Variants in ATXN7L1 observed in about 807,000 individuals in gnomAD.
The protein encoded by ATXN7L1 is ataxin 7 like 1.
Under a neutral mutation model 70.8 loss-of-function variants are expected in ATXN7L1, and 15 were observed. The ratio of observed to expected loss-of-function variants is 0.21; its 90% CI spans 0.14 to 0.33. The LOEUF (loss-of-function observed/expected upper bound fraction) is 0.33. Among genes scored for constraint, ATXN7L1 ranks in the 10% least tolerant of loss-of-function variants. The probability of loss-of-function intolerance (pLI) is 1.00; values close to 1 mark genes in which losing one functional copy is unlikely to be tolerated. For synonymous variants in ATXN7L1, 440 were observed against 445.1 expected (o/e 0.99, Z 0.14); for missense variants, 975 against 1,097.1 (o/e 0.89, Z 1.57).
rs779946678 is a variant in ATXN7L1, at chr7:105,835,148, G to GTTTT, written c.250+40663_250+40664insAAAA. On this transcript the variant is annotated intron_variant, in intron 2 of 11. Coordinates refer to ENST00000419735, the MANE Select transcript of ATXN7L1 (RefSeq NM_020725.2). Reference sequence around the variant, plus strand: ...TTTTTTTAATAATTTATAAGTGTGTGGTTTTTTTTTTTTTTTTTTTTTTTG... The same window carrying GTTTT: ...TTTTTTTAATAATTTATAAGTGTGTGTTTTGTTTTTTTTTTTTTTTTTTTTTTTG... Among the ~76,000 whole-genome samples the GTTTT allele has an allele frequency of 5.5e-4, 47 of 85,040 alleles. 2 individuals are homozygous for GTTTT. The highest frequency in any genetic ancestry group is 4.2e-3 in the East Asian group (13 of 3,064). The allele number at this position is 85,040 out of a possible 152,430, so 55.8% of individuals were successfully genotyped here.
At chr7:105,802,595 G>C (rs1806988876) in intron 2 of ATXN7L1, among the ~76,000 whole-genome samples, 1 of 152,178 alleles carries the variant, frequency 6.6e-6, no homozygotes, top group South Asian at 2.1e-4. Context: ...CTATTTTTGT[G>C]CTTTTATTTA....
chr7:105,638,418 G>A lies in ATXN7L1; in HGVS notation c.1137C>T (p.Ser379=), dbSNP rs1017280061. ...AQDSLLGSSG[S]SGPEPKVASP... ...ATGCAACTTTTGGTTCTGGCCCAGA[G>A]CTCCCTGAAGACCCTAGCAGAGAAT... The change falls in exon 7 of 12, where the codon AGC becomes AGT. Residue 379 remains serine (S), a synonymous_variant. Coordinates refer to ENST00000419735, the MANE Select transcript of ATXN7L1 (RefSeq NM_020725.2). 3.9e-6 allele frequency: 6 copies of A among 1,552,166 alleles called. No homozygotes were observed. The highest frequency in any genetic ancestry group is 1.4e-5 in the African/African-American group (1 of 73,026).
intron 4 of ATXN7L1, among the ~76,000 whole-genome samples, chr7:105,647,986 C>A (rs1026238704): frequency 2.0e-5 from 3 of 152,166 alleles, no homozygotes; most frequent in Non-Finnish European, 2.9e-5. Context: ...TGGAGCCCAT[C>A]AGAAACAGGA....
chr7:105,740,786 A>ATTTTTTTTTTTTTTTTTTTTTT (rs1481143764), intron 3 of ATXN7L1, among the ~76,000 whole-genome samples: 2 of 40,706 alleles, frequency 4.9e-5, no homozygotes, highest in East Asian at 4.0e-3. Flanking sequence ...TTTTTTTTTA[A>ATTTTTTTTTTTTTTTTTTTTTT]TGGAGTCTCA....
At chr7:105,698,341 G>A (rs1232534774) in intron 3 of ATXN7L1, among the ~76,000 whole-genome samples, 1 of 152,046 alleles carries the variant, frequency 6.6e-6, no homozygotes, top group Admixed American at 6.6e-5. Flanking sequence ...CATCGATGGG[G>A]CTACATATGC....
At chr7:105,873,976 T>A (rs1818650097) in intron 2 of ATXN7L1, among the ~76,000 whole-genome samples, 1 of 151,740 alleles carries the variant, frequency 6.6e-6, no homozygotes, top group African/African-American at 2.4e-5. Context: ...AATACAAAAA[T>A]TAACTGGGTG....
chr7:105,644,699 G>A (rs991726703), intron 4 of ATXN7L1, among the ~76,000 whole-genome samples: 2 of 152,176 alleles, frequency 1.3e-5, no homozygotes, highest in African/African-American at 4.8e-5. Flanking sequence ...CTGCATTCCT[G>A]ATTTTTCCCA....
intron 3 of ATXN7L1, among the ~76,000 whole-genome samples, chr7:105,687,990 T>TAA (rs1427957118): frequency 1.3e-5 from 2 of 152,204 alleles, no homozygotes; most frequent in African/African-American, 4.8e-5. Flanking sequence ...GCTTTTTACT[T>TAA]AAAGAATTCC....
At chr7:105,824,974 T>C (rs913155093) in intron 2 of ATXN7L1, among the ~76,000 whole-genome samples, 5 of 151,454 alleles carry the variant, frequency 3.3e-5, no homozygotes, top group Non-Finnish European at 7.4e-5. Flanking sequence ...CATGGCATAT[T>C]ATTAAGTAAT....
At chr7:105,752,309 G>C (rs1339035701) in intron 3 of ATXN7L1, among the ~76,000 whole-genome samples, 6 of 152,234 alleles carry the variant, frequency 3.9e-5, no homozygotes, top group Non-Finnish European at 8.8e-5. Context: ...CAGAGAAGCT[G>C]AAGGAGGATC....
At position 105,788,662 on chromosome 7, in the gene ATXN7L1, G is replaced by T; in HGVS notation, c.297C>A (p.Leu99=). 6.2e-7 allele frequency: 1 copy of T among 1,613,992 alleles called. No individual in the cohort carries two copies. Among genetic ancestry groups the T allele is most frequent in the South Asian group, 1.1e-5 (1 of 91,074 alleles). Residue 99 remains leucine (L), a synonymous_variant, in exon 3 of 12, where the codon CTC becomes CTA. Coordinates refer to ENST00000419735, the MANE Select transcript of ATXN7L1 (RefSeq NM_020725.2). ...CCTGGTTACAGGCACTGCACACTAC[G>T]AGATAGAAGTCGTCATGTGCTGGGT... ...GHYPAHDDFY[L]VVCSACNQVV... is the part of the protein sequence containing the mutation.
intron 4 of ATXN7L1, 33 bp downstream of exon 4, chr7:105,665,033 A>C (rs1452878422): frequency 3.5e-5 from 53 of 1,518,442 alleles, no homozygotes; most frequent in Non-Finnish European, 4.4e-5. Flanking sequence ...CAGGGGGGAC[A>C]GACAGCAGCT....
intron 4 of ATXN7L1, among the ~76,000 whole-genome samples, chr7:105,644,753 G>C (rs1362085770): frequency 6.6e-6 from 1 of 152,174 alleles, no homozygotes; most frequent in Non-Finnish European, 1.5e-5. Context: ...AATTCTTCTA[G>C]GCTTATTCCT....
At chr7:105,672,715 C>A (rs1803958610) in intron 3 of ATXN7L1, among the ~76,000 whole-genome samples, 1 of 152,176 alleles carries the variant, frequency 6.6e-6, no homozygotes, top group South Asian at 2.1e-4. Flanking sequence ...TAGGAGGAAT[C>A]TGAAAGAGCC....
chr7:105,677,951 A>C (rs1804957036), intron 3 of ATXN7L1: 1 of 985,282 alleles, frequency 1.0e-6, no homozygotes, highest in Admixed American at 6.2e-5. Flanking sequence ...CTCACCCCAC[A>C]GACTGTCGTG....
chr7:105,672,731 G>C (rs751113135), intron 3 of ATXN7L1, among the ~76,000 whole-genome samples: 8 of 152,126 alleles, frequency 5.3e-5, no homozygotes, highest in Non-Finnish European at 1.2e-4. Flanking sequence ...GAGCCAGCGG[G>C]ACCTCTCCTT....
chr7:105,674,845 G>A (rs1804371406), intron 3 of ATXN7L1, among the ~76,000 whole-genome samples: 1 of 152,120 alleles, frequency 6.6e-6, no homozygotes, highest in South Asian at 2.1e-4. Context: ...GGAGTCCCAG[G>A]GGCTTTCCAG....
At position 105,841,249 on chromosome 7, in the gene ATXN7L1, T is replaced by C. The variant is rs140592495; in HGVS notation, c.250+34563A>G. Among the ~76,000 whole-genome samples, 246 of 152,308 alleles carry C rather than the reference T, an allele frequency of 1.6e-3. 2 individuals are homozygous for C. Among genetic ancestry groups the C allele is most frequent in the Non-Finnish European group, 2.8e-3 (191 of 68,022 alleles). ...GAGACCGCAGGTTCTGCAGTTGAAA[T>C]GCCTGTCCTGGAGCACTGCTCAGCC... On this transcript the variant is annotated intron_variant, in intron 2 of 11. Transcript: ENST00000419735.
At chr7:105,784,805 G>A (rs573728169) in intron 3 of ATXN7L1, among the ~76,000 whole-genome samples, 1 of 152,126 alleles carries the variant, frequency 6.6e-6, no homozygotes, top group Non-Finnish European at 1.5e-5. Context: ...TGGGGGAGTC[G>A]TGAATTGCTT....
Sources: gnomAD v4.1 joint callset for allele counts (sites outside exome capture counted in the v4.1 genomes callset) on GRCh38, gnomAD v4.1.1 for gene constraint, MANE v1.5 for transcripts, NCBI Gene and HGNC (gene_info 2026-07-23, HGNC 2026-07-21) for gene names.